CD200R1: variants seen among roughly 807,000 people sequenced by gnomAD.
CD200R1 encodes the protein cell surface glycoprotein CD200 receptor 1.
CD200R1 carries 30 observed loss-of-function variants against 38.1 expected under a neutral mutation model. The observed-to-expected ratio is 0.79, with a 90% CI of 0.59 to 1.07. CD200R1 has a LOEUF of 1.07. Among genes scored for constraint, CD200R1 ranks in the 50% least tolerant of loss-of-function variants. The probability of loss-of-function intolerance (pLI) is 0.00; values close to 1 mark genes in which losing one functional copy is unlikely to be tolerated. For synonymous variants in CD200R1, 128 were observed against 152.1 expected (o/e 0.84, Z 1.16); for missense variants, 372 against 415.4 (o/e 0.90, Z 0.91).
intron 2 of CD200R1, among the ~76,000 whole-genome samples, chr3:112,942,138 A>C (rs1215331328): frequency 6.6e-6 from 1 of 151,686 alleles, no homozygotes; most frequent in Non-Finnish European, 1.5e-5. Flanking sequence ...ACTCAGATCT[A>C]TATCAAGAAG....
intron 1 of CD200R1, among the ~76,000 whole-genome samples, chr3:112,970,002 T>C (rs918868408): frequency 1.3e-5 from 2 of 151,642 alleles, no homozygotes; most frequent in Non-Finnish European, 2.9e-5. Context: ...GAAAACCCTG[T>C]CTCTACAAAA....
In CD200R1 at chr3:112,930,882, C is replaced by T. The variant is rs150013925; in HGVS notation, c.202+224G>A. On this transcript the variant is annotated intron_variant, in intron 3 of 7. Transcript: ENST00000308611. ...GAGGTAGTTAAATCCATGCTCCTTC[C>T]GCCACTCCACCTTAGCAAAGGTTCA... Among the ~76,000 whole-genome samples the T allele has an allele frequency of 3.3e-5, 5 of 152,260 alleles. No homozygotes were observed. In the East Asian group the frequency reaches 5.8e-4, roughly 18 times the overall value.
chr3:112,922,602 T>C lies in CD200R1; in HGVS notation c.*1075A>G, dbSNP rs2107297316. ...ATCTGCAAAACTGTTAGGCATCAAG[T>C]ATCAACACCTCTGTGGAGATATAAT... On this transcript the variant is annotated 3_prime_UTR_variant, in exon 8 of 8. Coordinates refer to ENST00000308611, the MANE Select transcript of CD200R1 (RefSeq NM_138806.4). The C allele has an allele frequency of 6.6e-6, 1 of 152,098 alleles. No individual in the cohort carries two copies. The highest frequency in any genetic ancestry group is 2.1e-4 in the South Asian group (1 of 4,826). The allele number at this position is 152,098 out of a possible 1,614,324, so 9.4% of individuals were successfully genotyped here. A position where few individuals can be genotyped will look rare whatever the true frequency, so the allele number is the denominator to read the frequency against.
In CD200R1 at chr3:112,929,247, A is replaced by C. The variant is rs779626106; in HGVS notation, c.463T>G (p.Cys155Gly). 1.2e-6 allele frequency: 2 copies of C among 1,614,048 alleles called. No homozygotes were observed. Among genetic ancestry groups the C allele is most frequent in the Non-Finnish European group, 1.7e-6 (2 of 1,180,028 alleles). Reference protein sequence around the residue: ...VAITHDGYYRCIMVTPDGNFH... With the variant: ...VAITHDGYYRGIMVTPDGNFH... Reference sequence around the variant, plus strand: ...TTCCCATCAGGTGTTACCATTATGCATCTGTAATACCCGTCATGAGTGATG... The same window carrying C: ...TTCCCATCAGGTGTTACCATTATGCCTCTGTAATACCCGTCATGAGTGATG... The change falls in exon 4 of 8, where the codon TGC (cysteine) becomes GGC (glycine). Residue 155 changes from cysteine to glycine, a missense_variant. Physicochemically the swap from Cys to Gly is radical, Grantham distance 159. Transcript: ENST00000308611.
intron 2 of CD200R1, among the ~76,000 whole-genome samples, chr3:112,939,901 C>A (rs935057774): frequency 7.2e-6 from 1 of 139,834 alleles, no homozygotes; most frequent in Admixed American, 7.0e-5. Flanking sequence ...TGCGGCATCA[C>A]ACTAACAGAC....
At chr3:112,967,031 C>A (rs935838758) in intron 1 of CD200R1, among the ~76,000 whole-genome samples, 1 of 152,172 alleles carries the variant, frequency 6.6e-6, no homozygotes, top group South Asian at 2.1e-4. Context: ...CAATTAACCA[C>A]TTTCTTCTCC....
At chr3:112,952,206 T>C (rs1395759091) in intron 1 of CD200R1, among the ~76,000 whole-genome samples, 1 of 152,194 alleles carries the variant, frequency 6.6e-6, no homozygotes, top group African/African-American at 2.4e-5. Context: ...TATTGATTTT[T>C]ATCTCCTTGG....
Position 112,923,586 on chromosome 3 carries a change from A to G in CD200R1, c.*91T>C, listed in dbSNP as rs1426337907. The G allele has an allele frequency of 3.1e-6, 2 of 652,694 alleles. No individual in the cohort carries two copies. The highest frequency in any genetic ancestry group is 2.4e-5 in the South Asian group (1 of 41,850). The allele number at this position is 652,694 out of a possible 1,614,324, so 40.4% of individuals were successfully genotyped here. ...GAACCTTGGAAAACCTAATTTCAAT[A>G]TAAGTCTTCATTCTAGAACTGTAAG... On this transcript the variant is annotated 3_prime_UTR_variant, in exon 8 of 8. Transcript: ENST00000308611.
At chr3:112,956,944 G>A (rs955863517) in intron 1 of CD200R1, among the ~76,000 whole-genome samples, 2 of 152,196 alleles carry the variant, frequency 1.3e-5, no homozygotes, top group South Asian at 2.1e-4. Flanking sequence ...ATGGGTTATA[G>A]GTTCCCACCT....
chr3:112,928,002 A>G (rs533854486), intron 5 of CD200R1, among the ~76,000 whole-genome samples: 17 of 152,304 alleles, frequency 1.1e-4, no homozygotes, highest in African/African-American at 4.1e-4. Context: ...TTAATGAAAA[A>G]TTGCATTACC....
At chr3:112,932,185 C>T (rs1287760310) in intron 2 of CD200R1, among the ~76,000 whole-genome samples, 1 of 152,096 alleles carries the variant, frequency 6.6e-6, no homozygotes, top group African/African-American at 2.4e-5. Context: ...TGGACTAGAG[C>T]CACTTTTGAA....
Position 112,923,726 on chromosome 3 carries a change from G to A in CD200R1, c.998C>T (p.Ala333Val), listed in dbSNP as rs772944062. 8.5e-5 allele frequency: 137 copies of A among 1,608,118 alleles called. No homozygotes were observed. The highest frequency in any genetic ancestry group is 1.1e-4 in the Non-Finnish European group (125 of 1,176,086). Residue 333 changes from alanine to valine, a missense_variant, in exon 8 of 8, where the codon GCA becomes GTA. Coordinates refer to ENST00000308611, the MANE Select transcript of CD200R1 (RefSeq NM_138806.4). ...AACTTCACTTTGTAATGCCTCAGAT[G>A]CCTTCACCTTGTTTGTAGTATCATA... ...PLYDTTNKVK[A>V]SEALQSEVDT...
intron 2 of CD200R1, among the ~76,000 whole-genome samples, chr3:112,946,985 G>T (rs1940879039): frequency 6.6e-6 from 1 of 152,126 alleles, no homozygotes; most frequent in African/African-American, 2.4e-5. Context: ...GGAAAGTCAT[G>T]GGGGAACACT....
intron 5 of CD200R1, among the ~76,000 whole-genome samples, chr3:112,925,789 A>C (rs1440145862): frequency 2.0e-5 from 3 of 152,146 alleles, no homozygotes; most frequent in Non-Finnish European, 4.4e-5. Context: ...AAAGTTATCT[A>C]TATTTATATC....
In CD200R1 at chr3:112,925,110, A is replaced by G; in HGVS notation, c.853T>C (p.Trp285Arg). The G allele has an allele frequency of 6.2e-7, 1 of 1,601,816 alleles. No homozygotes were observed. The highest frequency in any genetic ancestry group is 1.1e-5 in the South Asian group (1 of 90,512). Residue 285 changes from tryptophan to arginine, a missense_variant, in exon 6 of 8, where the codon TGG becomes CGG. Physicochemically the swap from Trp to Arg is moderately radical, Grantham distance 101 (BLOSUM62 -3). Coordinates refer to ENST00000308611, the MANE Select transcript of CD200R1 (RefSeq NM_138806.4). ...CTGCAGCCATTGACTTTCAACAACC[A>G]AATGAATCCCACGATGGTCAAAATA... Reference protein sequence around the residue: ...IIILTIVGFIWLLKVNGCRKY... With the variant: ...IIILTIVGFIRLLKVNGCRKY...
At chr3:112,924,425 T>C (rs1940237012) in intron 7 of CD200R1, 65 bp downstream of exon 7, 3 of 1,187,184 alleles carry the variant, frequency 2.5e-6, no homozygotes, top group Admixed American at 3.3e-5. Context: ...AAACTACAAA[T>C]TATGTTGCTA....
At position 112,947,186 on chromosome 3, in the gene CD200R1, ATAT is replaced by A. The variant is rs1940883980; in HGVS notation, c.136+667_136+669del. Among the ~76,000 whole-genome samples the A allele has an allele frequency of 1.3e-5, 2 of 152,202 alleles. 1 individual carries two copies. The highest frequency in any genetic ancestry group is 4.1e-4 in the South Asian group (2 of 4,834). On this transcript the variant is annotated intron_variant, in intron 2 of 7. Coordinates refer to ENST00000308611, the MANE Select transcript of CD200R1 (RefSeq NM_138806.4). ...TAGGTCAGTGAAATTACTCTATAAAATATTATCATGGTGGAGACATGTCATTAT... is the reference window on the plus strand; with the variant it reads ...TAGGTCAGTGAAATTACTCTATAAAATATCATGGTGGAGACATGTCATTAT...
In CD200R1 at chr3:112,973,631, T is replaced by C. The variant is rs542691053; in HGVS notation, c.67+1160A>G. ...AGAAAGGTGCAGTCAAAGAGTGTAG[T>C]TATTTTGCATGTGTTCACTAGTAAG... On this transcript the variant is annotated intron_variant, in intron 1 of 7. Transcript: ENST00000308611. Among the ~76,000 whole-genome samples, 3 of 152,290 alleles carry C rather than the reference T, an allele frequency of 2.0e-5. No homozygotes were observed. In the East Asian group the frequency reaches 5.8e-4, roughly 29 times the overall value.
At chr3:112,941,154 G>C (rs533891203) in intron 2 of CD200R1, among the ~76,000 whole-genome samples, 1 of 151,788 alleles carries the variant, frequency 6.6e-6, no homozygotes, top group South Asian at 2.1e-4. Flanking sequence ...ACTACAAAGG[G>C]TAAGGGAAAG....
Sources: allele counts gnomAD v4.1 joint callset (sites outside exome capture counted in the v4.1 genomes callset), GRCh38; gene constraint gnomAD v4.1.1; transcripts MANE v1.5; gene names NCBI Gene and HGNC (gene_info 2026-07-23, HGNC 2026-07-21).